The following OSBPL9 variants were observed in gnomAD, a reference collection of about 807,000 sequenced individuals.
OSBPL9 encodes oxysterol-binding protein-related protein 9.
A neutral mutation model predicts 106.6 loss-of-function variants in OSBPL9; 40 were observed. The observed-to-expected ratio is 0.38, with a 90% CI of 0.29 to 0.49. OSBPL9 has a LOEUF of 0.49. Among genes scored for constraint, OSBPL9 ranks in the 20% least tolerant of loss-of-function variants. The pLI is 0.97. For missense variants in OSBPL9, 609 were observed against 887.2 expected, an observed-to-expected ratio of 0.69 and a Z score of 3.98; for synonymous variants, 269 against 295.4, an observed-to-expected ratio of 0.91 and a Z score of 0.92.
At chr1:51,564,741 C>T in the OSBPL9 span, among the ~76,000 whole-genome samples, 2 of 152,170 alleles carry the variant, frequency 1.3e-5, no homozygotes, top group South Asian at 2.1e-4. Context: ...GCATCCTATC[C>T]TGGGGGCTAT....
intron 11 of OSBPL9, chr1:51,765,489 T>C (rs983749325): frequency 6.0e-6 from 1 of 166,132 alleles, no homozygotes; most frequent in African/African-American, 2.4e-5. Context: ...AGTCCCGGCA[T>C]CCCATTGTAA....
chr1:51,696,263 G>T (rs1655993601), intron 3 of OSBPL9, among the ~76,000 whole-genome samples: 1 of 152,148 alleles, frequency 6.6e-6, no homozygotes, highest in South Asian at 2.1e-4. Flanking sequence ...GATATTAGAG[G>T]TGTGAGACAA....
rs1678394941 is a variant in OSBPL9, at chr1:51,789,047, C to G, written c.*1258C>G. ...CGCTTGGCCCATTCTGCTAATTTTC[C>G]TTTGCCAGCTCCTACAGTAACCCTG... is the stretch of plus-strand genomic sequence containing the variant. On this transcript the variant is annotated 3_prime_UTR_variant, in exon 24 of 24. Transcript: ENST00000428468. The G allele has an allele frequency of 1.6e-6, 1 of 637,598 alleles. No individual in the cohort carries two copies. 39.5% of individuals were successfully genotyped at this position (637,598 alleles called of 1,614,324 possible). A position where few individuals can be genotyped will look rare whatever the true frequency, so the allele number is the denominator to read the frequency against.
the OSBPL9 span, among the ~76,000 whole-genome samples, chr1:51,530,205 A>AAAAG: frequency 2.1e-5 from 3 of 139,890 alleles, no homozygotes; most frequent in African/African-American, 7.9e-5. Context: ...AAAAAAAAAA[A>AAAAG]CCTCTAAGAA....
At chr1:51,713,324 A>G (rs1660457777) in intron 3 of OSBPL9, among the ~76,000 whole-genome samples, 2 of 151,492 alleles carry the variant, frequency 1.3e-5, no homozygotes, top group South Asian at 4.2e-4. Flanking sequence ...TAATTTTTGT[A>G]TTTTTAGTAG....
At chr1:51,702,421 T>C (rs904605498) in intron 3 of OSBPL9, among the ~76,000 whole-genome samples, 2 of 152,262 alleles carry the variant, frequency 1.3e-5, no homozygotes, top group Non-Finnish European at 2.9e-5. Context: ...TTTTTTCACG[T>C]GTCTGTTGGC....
chr1:51,605,216 A>G (rs1169506139), intron 2 of OSBPL9, among the ~76,000 whole-genome samples: 3 of 152,264 alleles, frequency 2.0e-5, no homozygotes, highest in African/African-American at 4.8e-5. Flanking sequence ...GTGCAAGCCA[A>G]TAAAGGCAGG....
chr1:51,774,149 G>A (rs143966581), intron 14 of OSBPL9, among the ~76,000 whole-genome samples: 16 of 152,242 alleles, frequency 1.1e-4, no homozygotes, highest in African/African-American at 3.6e-4. Context: ...AGAAGGCCAT[G>A]GCAGCCCACA....
At chr1:51,741,282 C>G (rs773911999) in intron 4 of OSBPL9, among the ~76,000 whole-genome samples, 1 of 152,108 alleles carries the variant, frequency 6.6e-6, no homozygotes, top group Non-Finnish European at 1.5e-5. Context: ...CTTTCTCTCT[C>G]TATTAAACTG....
At chr1:51,627,573 ATCT>A (rs1644842642) in intron 1 of OSBPL9, among the ~76,000 whole-genome samples, 1 of 152,170 alleles carries the variant, frequency 6.6e-6, no homozygotes, top group Non-Finnish European at 1.5e-5. Flanking sequence ...GGAAATGTAA[ATCT>A]TCTAACTTTC....
the OSBPL9 span, among the ~76,000 whole-genome samples, chr1:51,562,655 C>T: frequency 1.5e-4 from 23 of 152,162 alleles, no homozygotes; most frequent in Admixed American, 1.4e-3. Context: ...GGAAGCCAAG[C>T]GAGGTGGCAG....
At position 51,596,114 on chromosome 1, in the gene OSBPL9, C is replaced by T. The variant is rs573545610; in HGVS notation, c.-422-2010C>T. On this transcript the variant is annotated intron_variant, in intron 1 of 25. Transcript: ENST00000371714. ...TCTACTAAGAAATACAAAAATTAGC[C>T]GGGCATGGTGGCGGGCGACTATAAT... is the stretch of plus-strand genomic sequence containing the variant. Among the ~76,000 whole-genome samples the T allele has an allele frequency of 2.5e-4, 38 of 151,464 alleles. 1 individual carries two copies. The South Asian group carries it at 5.4e-3, about 22-fold the overall frequency.
intron 15 of OSBPL9, among the ~76,000 whole-genome samples, chr1:51,779,401 C>A (rs983664038): frequency 2.0e-5 from 3 of 152,138 alleles, no homozygotes; most frequent in Admixed American, 2.0e-4. Flanking sequence ...AAAATCAACT[C>A]AACATATATC....
the OSBPL9 span, among the ~76,000 whole-genome samples, chr1:51,554,340 A>T: frequency 2.6e-5 from 4 of 152,218 alleles, no homozygotes; most frequent in Non-Finnish European, 1.5e-5. Flanking sequence ...CCTATACAAG[A>T]GTAGACTCTA....
the OSBPL9 span, among the ~76,000 whole-genome samples, chr1:51,568,532 T>C: frequency 6.6e-6 from 1 of 152,190 alleles, no homozygotes; most frequent in Non-Finnish European, 1.5e-5. Context: ...TGGGAATAGA[T>C]TTAACATAAT....
intron 1 of OSBPL9, among the ~76,000 whole-genome samples, chr1:51,640,769 A>C (rs1379182681): frequency 6.6e-6 from 1 of 151,886 alleles, no homozygotes; most frequent in Non-Finnish European, 1.5e-5. Context: ...GTTCTGAAAG[A>C]TAGGGTGGGA....
intron 20 of OSBPL9, 30 bp from the exon 21 acceptor site, chr1:51,785,778 A>G: frequency 6.3e-7 from 1 of 1,592,452 alleles, no homozygotes; most frequent in Middle Eastern, 1.7e-4. Context: ...TCAACTTGAG[A>G]CTAACACAAG....
At chr1:51,617,338 A>G in intron 1 of OSBPL9, 117 bp downstream of exon 1, 2 of 1,027,768 alleles carry the variant, frequency 1.9e-6, no homozygotes, top group Non-Finnish European at 2.8e-6. Context: ...GTGCCGCCGT[A>G]CGCGAGGGTT....
the OSBPL9 span, among the ~76,000 whole-genome samples, chr1:51,543,447 G>A: frequency 6.6e-6 from 1 of 152,130 alleles, no homozygotes; most frequent in East Asian, 1.9e-4. Context: ...CCGGACTGGA[G>A]TGCAGTGGCG....
Sources: gnomAD v4.1 joint callset for allele counts (sites outside exome capture counted in the v4.1 genomes callset) on GRCh38, gnomAD v4.1.1 for gene constraint, MANE v1.5 for transcripts, NCBI Gene and HGNC (gene_info 2026-07-23, HGNC 2026-07-21) for gene names.